The following USP54 variants were observed in gnomAD, a reference collection of about 807,000 sequenced individuals.
USP54 encodes ubiquitin carboxyl-terminal hydrolase 54.
A neutral mutation model predicts 170.5 loss-of-function variants in USP54; 87 were observed. The observed-to-expected ratio is 0.51, with a 90% confidence interval of 0.43 to 0.61. The LOEUF (loss-of-function observed/expected upper bound fraction) is 0.61. USP54 is among the 20% of genes least tolerant of loss of function. USP54 has a pLI of 0.00. For missense variants in USP54, 1,786 were observed against 2,047.8 expected, an observed-to-expected ratio of 0.87 and a Z score of 2.47; for synonymous variants, 655 against 742.8, an observed-to-expected ratio of 0.88 and a Z score of 1.92.
chr10:73,505,376 G>A lies in USP54; in HGVS notation c.4102C>T (p.Leu1368Phe). 1 of 1,614,116 alleles carries A rather than the reference G, an allele frequency of 6.2e-7. No homozygotes were observed. The highest frequency in any genetic ancestry group is 8.5e-7 in the Non-Finnish European group (1 of 1,180,014). ...ATTTCTGCTGTTGAAGTCTTTGAGA[G>A]ACCAGGATCATGGGCTGAGTGCAAC... ...RRLHSAHDPG[L>F]SKTSTAEMEH... Residue 1368 changes from leucine to phenylalanine, a missense_variant, in exon 21 of 24, where the codon CTC becomes TTC. Physicochemically the swap from Leu to Phe is conservative, Grantham distance 22 (BLOSUM62 0). Around this residue, in one of 3 missense-constraint regions of USP54, gnomAD observed 1,418 missense variants for 1,569.0 expected, o/e 0.90. Transcript: ENST00000687698.
intron 10 of USP54, among the ~76,000 whole-genome samples, chr10:73,537,603 G>C (rs952593177): frequency 1.3e-5 from 2 of 151,680 alleles, no homozygotes; most frequent in African/African-American, 4.9e-5. Flanking sequence ...GGCACTTCAG[G>C]GAGACAACAA....
At chr10:73,600,075 A>G (rs1348140774) in intron 1 of USP54, among the ~76,000 whole-genome samples, 1 of 151,814 alleles carries the variant, frequency 6.6e-6, no homozygotes, top group Admixed American at 6.6e-5. Context: ...CTAATTTTGT[A>G]TTTTTAGTAG....
chr10:73,516,091 T>G (rs1329092824), intron 20 of USP54, among the ~76,000 whole-genome samples: 1 of 151,988 alleles, frequency 6.6e-6, no homozygotes, highest in Non-Finnish European at 1.5e-5. Context: ...CCTGAACCAT[T>G]CTTTAGCACA....
At chr10:73,576,407 C>A (rs2076104719) in intron 1 of USP54, 46 bp from the exon 2 acceptor site, 1 of 151,532 alleles carries the variant, frequency 6.6e-6, no homozygotes, top group African/African-American at 2.4e-5. Flanking sequence ...CACTTAATGA[C>A]TCTACTGGCT....
chr10:73,618,309 CTGGAG>C (rs2080811545), intron 1 of USP54, among the ~76,000 whole-genome samples: 1 of 150,498 alleles, frequency 6.6e-6, no homozygotes, highest in Non-Finnish European at 1.5e-5. Flanking sequence ...CAGACTGAGG[CTGGAG>C]TGTAGTGGCA....
chr10:73,585,928 T>C (rs1323635801), intron 1 of USP54, among the ~76,000 whole-genome samples: 4 of 152,082 alleles, frequency 2.6e-5, no homozygotes, highest in Non-Finnish European at 5.9e-5. Flanking sequence ...CAGGAGAATC[T>C]TGAACCCGGG....
chr10:73,517,474 ATTC>A lies in USP54; in HGVS notation c.2949_2951del (p.Lys983del). The A allele has an allele frequency of 6.2e-7, 1 of 1,614,170 alleles. No homozygotes were observed. Among genetic ancestry groups the A allele is most frequent in the Non-Finnish European group, 8.5e-7 (1 of 1,180,026 alleles). ...CCAATGGCTCCCAACTATGATGAGA[ATTC>A]TTCTCAGTCCACCCTGGTGCTTTAG... On this transcript the variant is annotated inframe_deletion, in exon 20 of 24. Transcript: ENST00000687698.
At chr10:73,550,824 C>T (rs993875128) in intron 4 of USP54, among the ~76,000 whole-genome samples, 4 of 151,946 alleles carry the variant, frequency 2.6e-5, no homozygotes, top group African/African-American at 7.3e-5. Flanking sequence ...ATTGTTTTTC[C>T]GGCCAGGCGT....
At chr10:73,608,223 G>A (rs563656784) in intron 1 of USP54, among the ~76,000 whole-genome samples, 7 of 151,686 alleles carry the variant, frequency 4.6e-5, no homozygotes, top group African/African-American at 1.5e-4. Flanking sequence ...TCATGACACC[G>A]CACTCCAGCC....
upstream of USP54, among the ~76,000 whole-genome samples, chr10:73,593,389 A>T (rs1395251968): frequency 6.6e-6 from 1 of 151,686 alleles, no homozygotes; most frequent in East Asian, 1.9e-4. Flanking sequence ...AAAAAAAAAA[A>T]AAAAAGGAAA....
chr10:73,562,856 A>G (rs1216736220), intron 4 of USP54, among the ~76,000 whole-genome samples: 1 of 152,196 alleles, frequency 6.6e-6, no homozygotes, highest in Non-Finnish European at 1.5e-5. Context: ...CAATTCTACT[A>G]AGTAATGATA....
chr10:73,517,202 A>G lies in USP54; in HGVS notation c.3224T>C (p.Ile1075Thr). ...SLPLYRTCHPIMPVASSFVLH... is the reference protein window; with the variant it reads ...SLPLYRTCHPTMPVASSFVLH... ...CACAAATGAAGAAGCAACAGGCATT[A>G]TGGGGTGGCAGGTTCTATACAGGGG... The change falls in exon 20 of 24, where the codon ATA becomes ACA. Residue 1075 changes from isoleucine (I) to threonine (T), a missense_variant. Around this residue, in one of 3 missense-constraint regions of USP54, gnomAD observed 1,418 missense variants for 1,569.0 expected, o/e 0.90. Coordinates refer to ENST00000687698, the MANE Select transcript of USP54 (RefSeq NM_001391956.1). 6.2e-7 allele frequency: 1 copy of G among 1,614,184 alleles called. No individual in the cohort carries two copies. The highest frequency in any genetic ancestry group is 8.5e-7 in the Non-Finnish European group (1 of 1,180,022).
At chr10:73,549,209 T>C (rs2068646746) in intron 4 of USP54, among the ~76,000 whole-genome samples, 1 of 152,200 alleles carries the variant, frequency 6.6e-6, no homozygotes. Context: ...ACCTCTTGAC[T>C]TCCCTAAAGT....
chr10:73,559,081 T>C (rs2072056960), intron 4 of USP54, among the ~76,000 whole-genome samples: 1 of 152,188 alleles, frequency 6.6e-6, no homozygotes, highest in South Asian at 2.1e-4. Flanking sequence ...GTATTTCAAA[T>C]TGAGAAAGTT....
intron 20 of USP54, among the ~76,000 whole-genome samples, chr10:73,515,393 C>T (rs982080053): frequency 6.6e-6 from 1 of 152,182 alleles, no homozygotes; most frequent in Admixed American, 6.5e-5. Flanking sequence ...GAAAATAGTT[C>T]AGGCTTTGGA....
In USP54 at chr10:73,517,098, C is replaced by T. The variant is rs200367786; in HGVS notation, c.3328G>A (p.Val1110Met). The change falls in exon 20 of 24, where the codon GTG becomes ATG. Residue 1110 changes from valine to methionine, a missense_variant. Val to Met is a conservative substitution (Grantham distance 21). Transcript: ENST00000687698. Reference sequence around the variant, plus strand: ...TAGGTCTCCTCACTGCCTCTGTCCACTTTTAAAGTCAATGAAGTTTTGAGG... The same window carrying T: ...TAGGTCTCCTCACTGCCTCTGTCCATTTTTAAAGTCAATGAAGTTTTGAGG... ...QSLKTSLTLK[V>M]DRGSEETYRP... 3 of 1,614,232 alleles carry T rather than the reference C, an allele frequency of 1.9e-6. No individual in the cohort carries two copies. The highest frequency in any genetic ancestry group is 2.2e-5 in the East Asian group (1 of 44,890).
chr10:73,583,759 A>C (rs1360738422), intron 1 of USP54, among the ~76,000 whole-genome samples: 12 of 152,112 alleles, frequency 7.9e-5, no homozygotes, highest in Non-Finnish European at 1.2e-4. Flanking sequence ...TAAAAATAAA[A>C]AAAAAATAAA....
At chr10:73,522,467 A>G (rs182903534) in intron 17 of USP54, among the ~76,000 whole-genome samples, 6 of 152,346 alleles carry the variant, frequency 3.9e-5, no homozygotes, top group Admixed American at 3.9e-4. Context: ...TAGAGAACTG[A>G]CAATGAAATA....
At chr10:73,499,215 C>A in intron 23 of USP54, 27 bp from the exon 24 acceptor site, 1 of 1,558,182 alleles carries the variant, frequency 6.4e-7, no homozygotes, top group Non-Finnish European at 8.6e-7. Flanking sequence ...AACCCAAAGA[C>A]TGAGCATCTT....
Sources: allele counts gnomAD v4.1 joint callset (sites outside exome capture counted in the v4.1 genomes callset), GRCh38; gene constraint gnomAD v4.1.1; regional missense constraint gnomAD v4.1.1; transcripts MANE v1.5; gene names NCBI Gene and HGNC (gene_info 2026-07-23, HGNC 2026-07-21).